Variants in SALL2 observed in about 807,000 individuals in gnomAD.
The protein encoded by SALL2 is sal-like protein 2.
In SALL2, 32 loss-of-function variants were observed where a neutral mutation model predicts 58.5. That is an observed-to-expected ratio of 0.55 (90% CI 0.41 to 0.74). SALL2 has a LOEUF of 0.74. SALL2 is among the 30% of genes least tolerant of loss of function. SALL2 has a pLI of 0.00. For missense variants in SALL2, 1,201 were observed against 1,268.9 expected (o/e 0.95, Z 0.81); for synonymous variants, 516 against 513.6 (o/e 1.00, Z -0.06).
At chr14:21,533,168 C>T (rs1892509765) in intron 1 of SALL2, among the ~76,000 whole-genome samples, 1 of 152,028 alleles carries the variant, frequency 6.6e-6, no homozygotes, top group African/African-American at 2.4e-5. Flanking sequence ...CACATAGCTT[C>T]AAGGTCCACA....
At chr14:21,533,941 A>G (rs1182835060) in intron 1 of SALL2, among the ~76,000 whole-genome samples, 1 of 152,186 alleles carries the variant, frequency 6.6e-6, no homozygotes, top group Non-Finnish European at 1.5e-5. Flanking sequence ...CAGGTACACC[A>G]AAGGATACAT....
Position 21,523,272 on chromosome 14 carries a change from G to C in SALL2, c.2450C>G (p.Ala817Gly). The change falls in exon 2 of 2, where the codon GCC (alanine) becomes GGC (glycine). Residue 817 changes from alanine to glycine, a missense_variant. By Grantham distance (60) the Ala-to-Gly change is moderately conservative (BLOSUM62 0). Coordinates refer to ENST00000537235, the MANE Select transcript of SALL2 (RefSeq NM_001364564.1). The surrounding 1 kb of genome is among the most constrained non-coding windows in gnomAD (Gnocchi z 4.4). ...ACTGTCCATCTCCTTCCCAGCTGTG[G>C]CTGCTGCCGCCACTGTCCCCACCTC... ...EEEVGTVAAA[A>G]TAGKEMDSNE... 6.2e-7 allele frequency: 1 copy of C among 1,613,280 alleles called. No individual in the cohort carries two copies. The highest frequency in any genetic ancestry group is 1.1e-5 in the South Asian group (1 of 91,082).
intron 1 of SALL2, 39 bp downstream of exon 1, chr14:21,526,022 C>T (rs910082010): frequency 1.5e-6 from 2 of 1,375,028 alleles, no homozygotes; most frequent in Non-Finnish European, 2.0e-6. Flanking sequence ...CATCCCCCTC[C>T]GCCCCCACCC....
intron 1 of SALL2, among the ~76,000 whole-genome samples, chr14:21,533,586 G>A (rs1892519292): frequency 7.7e-6 from 1 of 129,890 alleles, no homozygotes; most frequent in African/African-American, 3.3e-5. Context: ...AGACTCTGTA[G>A]GGGAGAGAGA....
At chr14:21,534,522 C>T (rs1311798330) in intron 1 of SALL2, among the ~76,000 whole-genome samples, 10 of 152,220 alleles carry the variant, frequency 6.6e-5, no homozygotes, top group Admixed American at 6.5e-4. Flanking sequence ...GCTTGAAAAT[C>T]CATTCAAGAC....
At chr14:21,536,794 G>T in intron 1 of SALL2, 1 of 1,497,044 alleles carries the variant, frequency 6.7e-7, no homozygotes, top group Non-Finnish European at 9.3e-7. Flanking sequence ...CCTTGCCCTG[G>T]CCTGACCCAC....
Position 21,524,388 on chromosome 14 carries a change from C to T in SALL2, c.1334G>A (p.Ser445Asn). ...GGACATACCATAAGGCAAGCCACTG[C>T]TGGTAATGACATAGTCTAGGTGCTC... is the stretch of plus-strand genomic sequence containing the variant. ...VPEHLDYVIT[S>N]SGLPYGMSVP... Residue 445 changes from serine to asparagine, a missense_variant, in exon 2 of 2, where the codon AGC (serine) becomes AAC (asparagine). By Grantham distance (46) the Ser-to-Asn change is conservative. This residue lies in a region of SALL2 where 59 missense variants were observed against 116.2 expected (regional missense o/e 0.51). Coordinates refer to ENST00000537235, the MANE Select transcript of SALL2 (RefSeq NM_001364564.1). 1 of 1,614,200 alleles carries T rather than the reference C, an allele frequency of 6.2e-7. No individual in the cohort carries two copies. Among genetic ancestry groups the T allele is most frequent in the African/African-American group, 1.3e-5 (1 of 75,034 alleles).
In SALL2 at chr14:21,524,718, C is replaced by T. The variant is rs764172628; in HGVS notation, c.1004G>A (p.Arg335Gln). The part of the protein sequence containing the change: ...LLAAQCLGAA[R>Q]GLEATASPGL... The stretch of plus-strand genomic sequence containing the variant: ...TGGGGAGGCAGTGGCCTCAAGGCCT[C>T]GGGCTGCCCCAAGACACTGTGCTGC... The change falls in exon 2 of 2, where the codon CGA becomes CAA. Residue 335 changes from arginine to glutamine, a missense_variant. By Grantham distance (43) the Arg-to-Gln change is conservative. Around this residue, in one of 3 missense-constraint regions of SALL2, gnomAD observed 467 missense variants for 468.9 expected, o/e 1.00. Coordinates refer to ENST00000537235, the MANE Select transcript of SALL2 (RefSeq NM_001364564.1). 2.0e-5 allele frequency: 32 copies of T among 1,613,124 alleles called. No homozygotes were observed. Among genetic ancestry groups the T allele is most frequent in the Middle Eastern group, 1.7e-4 (1 of 6,058 alleles).
In SALL2 at chr14:21,521,281, C is replaced by T. The variant is rs1892018633; in HGVS notation, c.*1423G>A. On this transcript the variant is annotated 3_prime_UTR_variant, in exon 2 of 2. Coordinates refer to ENST00000537235, the MANE Select transcript of SALL2 (RefSeq NM_001364564.1). ...CCTATGTTAAGAGTAAATACTACAA[C>T]TCATTACAAGACGGAGAGGCAGGGA... is the stretch of plus-strand genomic sequence containing the variant. The T allele has an allele frequency of 6.6e-6, 1 of 152,220 alleles. No homozygotes were observed. Among genetic ancestry groups the T allele is most frequent in the Non-Finnish European group, 1.5e-5 (1 of 68,072 alleles). The allele number at this position is 152,220 out of a possible 1,614,324, so 9.4% of individuals were successfully genotyped here.
At chr14:21,535,702 G>C (rs1463356133) in intron 1 of SALL2, among the ~76,000 whole-genome samples, 1 of 152,190 alleles carries the variant, frequency 6.6e-6, no homozygotes, top group Admixed American at 6.5e-5. Flanking sequence ...TAAAAGTCTG[G>C]TTTCAGAACC....
chr14:21,536,859 C>A (rs1372180419), intron 1 of SALL2: 2 of 1,614,094 alleles, frequency 1.2e-6, no homozygotes, highest in South Asian at 2.2e-5. Context: ...CGTTCTCAGA[C>A]GCGCTGGGAC....
Position 21,526,275 on chromosome 14 carries a change from C to T in SALL2, c.-148G>A. Reference sequence around the variant, plus strand: ...GATCGGCAGCGGCGGGGGCAGGGAGCAGCGGCGGAGGGGGAGGGGAGCGAG... The same window carrying T: ...GATCGGCAGCGGCGGGGGCAGGGAGTAGCGGCGGAGGGGGAGGGGAGCGAG... On this transcript the variant is annotated 5_prime_UTR_variant, in exon 1 of 2. Coordinates refer to ENST00000537235, the MANE Select transcript of SALL2 (RefSeq NM_001364564.1). 2.1e-6 allele frequency: 3 copies of T among 1,426,356 alleles called. No homozygotes were observed. The highest frequency in any genetic ancestry group is 2.7e-6 in the Non-Finnish European group (3 of 1,093,254). 88.4% of individuals were successfully genotyped at this position (1,426,356 alleles called of 1,614,324 possible). A position where few individuals can be genotyped will look rare whatever the true frequency, so the allele number is the denominator to read the frequency against.
upstream of SALL2, chr14:21,526,439 G>A (rs1892317692): frequency 1.5e-6 from 2 of 1,343,200 alleles, no homozygotes; most frequent in African/African-American, 1.5e-5. Context: ...GCGCTAGCGG[G>A]GGCGTGGGGG....
At position 21,521,888 on chromosome 14, in the gene SALL2, A is replaced by G. The variant is rs1372390835; in HGVS notation, c.*816T>C. 7.7e-7 allele frequency: 1 copy of G among 1,301,414 alleles called. No homozygotes were observed. Among genetic ancestry groups the G allele is most frequent in the South Asian group, 1.5e-5 (1 of 65,152 alleles). The allele number at this position is 1,301,414 out of a possible 1,614,324, so 80.6% of individuals were successfully genotyped here. A position where few individuals can be genotyped will look rare whatever the true frequency, so the allele number is the denominator to read the frequency against. On this transcript the variant is annotated 3_prime_UTR_variant, in exon 2 of 2. Transcript: ENST00000537235. ...GACCATCAGGGGATTTACTGGGAAAATTTTCCTATGCCCTTCCTTCATTTC... is the reference window on the plus strand; with the variant it reads ...GACCATCAGGGGATTTACTGGGAAAGTTTTCCTATGCCCTTCCTTCATTTC...
chr14:21,521,953 T>A lies in SALL2; in HGVS notation c.*751A>T. On this transcript the variant is annotated 3_prime_UTR_variant, in exon 2 of 2. Transcript: ENST00000537235. ...GGTTGGGTCACCAATTACTGGAGCA[T>A]CTTCAGTACCGGCACCTTCTGGAGC... The A allele has an allele frequency of 2.0e-6, 3 of 1,497,658 alleles. No individual in the cohort carries two copies. The highest frequency in any genetic ancestry group is 2.7e-6 in the Non-Finnish European group (3 of 1,121,510). 92.8% of individuals were successfully genotyped at this position (1,497,658 alleles called of 1,614,324 possible).
chr14:21,528,482 T>C (rs1892382081), upstream of SALL2, among the ~76,000 whole-genome samples: 1 of 152,330 alleles, frequency 6.6e-6, no homozygotes, highest in South Asian at 2.1e-4. Context: ...TAAAACAGTT[T>C]ACTGAATTAT....
At position 21,525,035 on chromosome 14, in the gene SALL2, AGT is replaced by A; in HGVS notation, c.685_686del (p.Thr229CysfsTer109). On this transcript the variant is annotated frameshift_variant, in exon 2 of 2. Transcript: ENST00000537235. LOFTEE classifies it high-confidence loss of function. The surrounding 1 kb of genome is among the most constrained non-coding windows in gnomAD (Gnocchi z 4.4). ...ASPSELPGTG[T>X]ASSTKPLLPL... ...GTAGTAGGGGCTTGGTGGAAGAGGC[AGT>A]CCCTGTCCCAGGTAGCTCTGAGGGA... 1.2e-6 allele frequency: 2 copies of A among 1,613,966 alleles called. No homozygotes were observed. Among genetic ancestry groups the A allele is most frequent in the Admixed American group, 3.3e-5 (2 of 60,006 alleles).
Position 21,525,229 on chromosome 14 carries a change from G to A in SALL2, c.493C>T (p.Pro165Ser). ...CCACTGCCTACCCCTGGGGGCGGAG[G>A]GGGTGGTGGAGGAGGAGGGGGTGCA... is the stretch of plus-strand genomic sequence containing the variant. Reference protein sequence around the residue: ...TPAPPPPPPPPPPPGVGSGHL... With the variant: ...TPAPPPPPPPSPPPGVGSGHL... The change falls in exon 2 of 2, where the codon CCT becomes TCT. Residue 165 changes from proline to serine, a missense_variant. Physicochemically the swap from Pro to Ser is moderately conservative, Grantham distance 74. This residue lies in a region of SALL2 where 467 missense variants were observed against 468.9 expected (regional missense o/e 1.00). Transcript: ENST00000537235. This position sits in a 1 kb window ranked among gnomAD's most constrained non-coding sequence, Gnocchi z 4.4. 3 of 1,613,118 alleles carry A rather than the reference G, an allele frequency of 1.9e-6. No individual in the cohort carries two copies. The highest frequency in any genetic ancestry group is 2.2e-5 in the East Asian group (1 of 44,866).
rs1396942222 is a variant in SALL2, at chr14:21,521,775, G to A, written c.*929C>T. ...TGGGAGACCTCTTGGCAAGAAATCA[G>A]CTTGTTTCCCAACTTTGAGAGGTCA... On this transcript the variant is annotated 3_prime_UTR_variant, in exon 2 of 2. Coordinates refer to ENST00000537235, the MANE Select transcript of SALL2 (RefSeq NM_001364564.1). 2 of 488,428 alleles carry A rather than the reference G, an allele frequency of 4.1e-6. No homozygotes were observed. Among genetic ancestry groups the A allele is most frequent in the Non-Finnish European group, 7.3e-6 (2 of 274,974 alleles). 30.3% of individuals were successfully genotyped at this position (488,428 alleles called of 1,614,324 possible).
Sources: allele counts gnomAD v4.1 joint callset (sites outside exome capture counted in the v4.1 genomes callset), GRCh38; gene constraint gnomAD v4.1.1; regional missense constraint gnomAD v4.1.1; non-coding constraint Gnocchi (gnomAD v3.1); transcripts MANE v1.5; gene names NCBI Gene and HGNC (gene_info 2026-07-23, HGNC 2026-07-21).